Variants in GBE1 observed in about 807,000 individuals in gnomAD.
GBE1 encodes the protein 1,4-alpha-glucan branching enzyme 1.
Under a neutral mutation model 88.8 loss-of-function variants are expected in GBE1, and 70 were observed. That is an observed-to-expected ratio of 0.79 (90% confidence interval 0.65 to 0.96). The LOEUF (loss-of-function observed/expected upper bound fraction) is 0.96, where lower values mean the gene tolerates loss of function less well. GBE1 is among the 40% of genes least tolerant of loss of function. The pLI is 0.00. For missense variants in GBE1, 872 were observed against 871.0 expected (o/e 1.00, Z -0.01); for synonymous variants, 284 against 300.1 (o/e 0.95, Z 0.56).
chr3:81,574,848 AATAGATATGAAGTGTTTTAGAAAGT>A (rs1412906122), intron 12 of GBE1, among the ~76,000 whole-genome samples: 2 of 152,204 alleles, frequency 1.3e-5, no homozygotes, highest in African/African-American at 4.8e-5. Flanking sequence ...TCATTTAGAT[AATAGATATGAAGTGTTTTAGAAAGT>A]ATAGAATGAG....
rs572292891 is a variant in GBE1, at chr3:81,742,062, C to T, written c.143+19313G>A. Among the ~76,000 whole-genome samples, 5 of 151,752 alleles carry T rather than the reference C, an allele frequency of 3.3e-5. No individual in the cohort carries two copies. The East Asian group carries it at 5.8e-4, about 18-fold the overall frequency. On this transcript the variant is annotated intron_variant, in intron 1 of 15. Transcript: ENST00000429644. ...TGCATGTTTCTGTTTGCCAGACTTC[C>T]CCCCATTAAAAACCTAAATCCTTCT...
chr3:81,675,303 T>G (rs1034688247), intron 2 of GBE1, among the ~76,000 whole-genome samples: 1 of 152,014 alleles, frequency 6.6e-6, no homozygotes, highest in Non-Finnish European at 1.5e-5. Context: ...AATAATCCTT[T>G]GAGGCTAGTG....
chr3:81,627,095 A>G (rs1286651099), intron 7 of GBE1, among the ~76,000 whole-genome samples: 2 of 152,190 alleles, frequency 1.3e-5, no homozygotes, highest in Non-Finnish European at 2.9e-5. Context: ...ACCATTTTCT[A>G]TATCTGGGTA....
chr3:81,575,849 T>TCTC (rs1273252456), intron 12 of GBE1, among the ~76,000 whole-genome samples: 3 of 152,252 alleles, frequency 2.0e-5, no homozygotes, highest in Non-Finnish European at 2.9e-5. Flanking sequence ...AAAGGAATAT[T>TCTC]CTTTAATACA....
intron 2 of GBE1, among the ~76,000 whole-genome samples, chr3:81,697,420 C>A (rs1705614405): frequency 6.6e-6 from 1 of 151,890 alleles, no homozygotes; most frequent in African/African-American, 2.4e-5. Context: ...CTGCCTCAAC[C>A]TCCCCAGTAG....
chr3:81,655,648 C>G (rs1290446234), intron 3 of GBE1, among the ~76,000 whole-genome samples: 5 of 152,100 alleles, frequency 3.3e-5, no homozygotes, highest in African/African-American at 1.2e-4. Flanking sequence ...TCCTGAGTAG[C>G]TGGGATTACA....
At chr3:81,620,447 A>T (rs988514213) in intron 7 of GBE1, among the ~76,000 whole-genome samples, 2 of 152,042 alleles carry the variant, frequency 1.3e-5, no homozygotes, top group African/African-American at 2.4e-5. Flanking sequence ...CTCCCAAGAC[A>T]TGGAAATAAT....
chr3:81,608,370 A>G (rs1704130736), intron 7 of GBE1, among the ~76,000 whole-genome samples: 1 of 152,198 alleles, frequency 6.6e-6, no homozygotes, highest in African/African-American at 2.4e-5. Flanking sequence ...TATTTTATTT[A>G]AGAAATATAA....
chr3:81,561,003 A>C (rs1255289526), intron 12 of GBE1, among the ~76,000 whole-genome samples: 1 of 152,004 alleles, frequency 6.6e-6, no homozygotes, highest in Admixed American at 6.6e-5. Context: ...ACTTACTTTA[A>C]GACACATAGT....
chr3:81,745,678 C>T (rs1038412767), intron 1 of GBE1, among the ~76,000 whole-genome samples: 1 of 151,902 alleles, frequency 6.6e-6, no homozygotes, highest in Non-Finnish European at 1.5e-5. Context: ...GCACAAATGA[C>T]AGGTAAAATA....
intron 14 of GBE1, among the ~76,000 whole-genome samples, chr3:81,521,982 T>C (rs1223119026): frequency 6.6e-6 from 1 of 151,464 alleles, no homozygotes; most frequent in East Asian, 1.9e-4. Context: ...AGGAAGGTAA[T>C]GGGGCTCTGT....
chr3:81,629,018 G>GTTTTTTTTTTTTTTTTTTTTTT, intron 7 of GBE1, among the ~76,000 whole-genome samples: 1 of 98,002 alleles, frequency 1.0e-5, no homozygotes, highest in Non-Finnish European at 1.9e-5. Flanking sequence ...TTATGTTTAA[G>GTTTTTTTTTTTTTTTTTTTTTT]TTTTTTTTTT....
intron 14 of GBE1, among the ~76,000 whole-genome samples, chr3:81,500,881 C>T (rs1455488503): frequency 6.6e-6 from 1 of 152,164 alleles, no homozygotes; most frequent in African/African-American, 2.4e-5. Flanking sequence ...GTTTAGCTCA[C>T]ACTTGTAAGT....
intron 1 of GBE1, among the ~76,000 whole-genome samples, chr3:81,750,613 A>ATGTATATATATATGTATATATATG (rs1706502754): frequency 2.6e-5 from 2 of 76,472 alleles, no homozygotes; most frequent in African/African-American, 1.6e-4. Flanking sequence ...GTATATATAT[A>ATGTATATATATATGTATATATATG]TATGTATATA....
intron 7 of GBE1, among the ~76,000 whole-genome samples, chr3:81,630,089 GC>G (rs1704486460): frequency 6.6e-6 from 1 of 152,056 alleles, no homozygotes; most frequent in Admixed American, 6.6e-5. Context: ...ATGTATATGT[GC>G]CACATTTTCT....
chr3:81,564,527 A>C (rs916532820), intron 12 of GBE1, among the ~76,000 whole-genome samples: 1 of 152,144 alleles, frequency 6.6e-6, no homozygotes, highest in African/African-American at 2.4e-5. Flanking sequence ...CCTCTCCAGA[A>C]TATTAGTATA....
chr3:81,615,028 A>C (rs1197492350), intron 7 of GBE1, among the ~76,000 whole-genome samples: 2 of 152,168 alleles, frequency 1.3e-5, no homozygotes, highest in Non-Finnish European at 2.9e-5. Flanking sequence ...TTCTCAAAAA[A>C]AAAAAAAAGT....
chr3:81,499,205 C>G lies in GBE1; in HGVS notation c.1957G>C (p.Asp653His), dbSNP rs756859313. ...PGKFKIVLDS[D>H]AAEYGGHQRL... ...TGATGCCCTCCATATTCCGCTGCAT[C>G]TGAATCTAGCACAATTTTGAATGTA... Residue 653 changes from aspartate (D) to histidine (H), a missense_variant, in exon 15 of 16, where the codon GAT (aspartate) becomes CAT (histidine). By Grantham distance (81) the Asp-to-His change is moderately conservative. Coordinates refer to ENST00000429644, the MANE Select transcript of GBE1 (RefSeq NM_000158.4). The G allele has an allele frequency of 6.2e-7, 1 of 1,608,252 alleles. No individual in the cohort carries two copies. The highest frequency in any genetic ancestry group is 1.7e-5 in the Admixed American group (1 of 59,676).
intron 7 of GBE1, among the ~76,000 whole-genome samples, chr3:81,594,840 T>C (rs1703935029): frequency 6.6e-6 from 1 of 151,992 alleles, no homozygotes; most frequent in Non-Finnish European, 1.5e-5. Context: ...TTTAGTCATA[T>C]AGTTATGGTT....
Sources: allele counts gnomAD v4.1 joint callset (sites outside exome capture counted in the v4.1 genomes callset), GRCh38; gene constraint gnomAD v4.1.1; transcripts MANE v1.5; gene names NCBI Gene and HGNC (gene_info 2026-07-23, HGNC 2026-07-21).